Variants in RAD51B observed in about 807,000 individuals in gnomAD.
The protein encoded by RAD51B is RAD51 paralog B, also known as DNA repair protein RAD51 homolog 2.
A neutral mutation model predicts 42.2 loss-of-function variants in RAD51B; 38 were observed. The observed-to-expected ratio is 0.90, with a 90% CI of 0.70 to 1.18. RAD51B has a LOEUF of 1.18. RAD51B is among the 50% of genes most tolerant of loss of function. The pLI, the probability that RAD51B is intolerant of heterozygous loss-of-function variation, is 0.00. For synonymous variants in RAD51B, 154 were observed against 145.2 expected (o/e 1.06, Z -0.43); for missense variants, 373 against 400.7 (o/e 0.93, Z 0.59).
intron 7 of RAD51B, among the ~76,000 whole-genome samples, chr14:67,904,554 A>C (rs1217248849): frequency 7.4e-6 from 1 of 135,760 alleles, no homozygotes; most frequent in Non-Finnish European, 1.5e-5. Flanking sequence ...CTCTGTTGCC[A>C]GGCTGGTGTG....
At chr14:68,435,510 T>TTTTTTTTG (rs1555409604) in intron 9 of RAD51B, among the ~76,000 whole-genome samples, 1 of 143,584 alleles carries the variant, frequency 7.0e-6, no homozygotes, top group African/African-American at 2.7e-5. Context: ...TTTTTTTTTT[T>TTTTTTTTG]GGGAGAACAA....
chr14:67,896,698 T>C (rs1246957113), intron 7 of RAD51B, among the ~76,000 whole-genome samples: 1 of 152,234 alleles, frequency 6.6e-6, no homozygotes, highest in Non-Finnish European at 1.5e-5. Flanking sequence ...AAGGATATTT[T>C]CTTGAGTTTT....
intron 7 of RAD51B, among the ~76,000 whole-genome samples, chr14:68,204,273 G>C (rs879649402): frequency 6.6e-6 from 1 of 152,128 alleles, no homozygotes; most frequent in Non-Finnish European, 1.5e-5. Flanking sequence ...TTTCAATATT[G>C]GTATTGTCTC....
intron 5 of RAD51B, among the ~76,000 whole-genome samples, chr14:67,872,631 GTCA>G (rs2042580778): frequency 6.6e-6 from 1 of 151,596 alleles, no homozygotes; most frequent in Non-Finnish European, 1.5e-5. Context: ...GCATCGCCAA[GTCA>G]ATCCTGAGCC....
chr14:68,129,749 G>T (rs534760697), intron 7 of RAD51B, among the ~76,000 whole-genome samples: 1 of 152,262 alleles, frequency 6.6e-6, no homozygotes, highest in African/African-American at 2.4e-5. Context: ...TCAAACTTTA[G>T]TATATACTTT....
Position 68,516,479 on chromosome 14 carries a change from T to C in RAD51B, c.1036+48229T>C, listed in dbSNP as rs573537403. On this transcript the variant is annotated intron_variant, in intron 10 of 10. Coordinates refer to the RAD51B transcript ENST00000487270. The stretch of plus-strand genomic sequence containing the variant: ...TCAATCAGCTGTGATAATGTTGTTT[T>C]GGATAAAGTATGCGAAGGAAACCCA... Among the ~76,000 whole-genome samples, 7 of 152,378 alleles carry C rather than the reference T, an allele frequency of 4.6e-5. No homozygotes were observed. In the South Asian group the frequency reaches 1.4e-3, roughly 32 times the overall value.
intron 10 of RAD51B, among the ~76,000 whole-genome samples, chr14:68,524,705 G>A (rs989223892): frequency 6.6e-6 from 1 of 152,226 alleles, no homozygotes; most frequent in Non-Finnish European, 1.5e-5. Flanking sequence ...GACCCCACAG[G>A]ATGGTTCTTT....
At chr14:68,342,099 T>G (rs545054129) in intron 8 of RAD51B, among the ~76,000 whole-genome samples, 2 of 152,208 alleles carry the variant, frequency 1.3e-5, no homozygotes, top group Non-Finnish European at 2.9e-5. Context: ...ACCCCTTGAC[T>G]CTATCACATG....
intron 9 of RAD51B, among the ~76,000 whole-genome samples, chr14:68,455,677 G>A (rs1035663463): frequency 1.3e-5 from 2 of 151,950 alleles, no homozygotes; most frequent in Admixed American, 6.6e-5. Context: ...CCGAGATTGC[G>A]CCACTGCACT....
intron 11 of RAD51B, among the ~76,000 whole-genome samples, chr14:68,654,598 G>A (rs1286367964): frequency 2.0e-5 from 3 of 152,212 alleles, no homozygotes; most frequent in Non-Finnish European, 4.4e-5. Context: ...GAACAGGGCT[G>A]TTTCTGTGGG....
At chr14:68,564,662 C>G (rs951643281) in intron 10 of RAD51B, among the ~76,000 whole-genome samples, 2 of 152,228 alleles carry the variant, frequency 1.3e-5, no homozygotes, top group East Asian at 1.9e-4. Flanking sequence ...GGCTCCCCAC[C>G]ACCACAAGGG....
chr14:68,113,825 G>T (rs1456273296), intron 7 of RAD51B: 1 of 152,012 alleles, frequency 6.6e-6, no homozygotes. Context: ...ACATTTGAAG[G>T]CTTCCTCACA....
intron 9 of RAD51B, among the ~76,000 whole-genome samples, chr14:68,465,992 A>AAATAAATTAATT (rs1266757141): frequency 2.0e-5 from 3 of 149,534 alleles, no homozygotes; most frequent in African/African-American, 7.5e-5. Flanking sequence ...ATAAATAAAT[A>AAATAAATTAATT]AATTCACATT....
rs572601482 is a variant in RAD51B at position 68,370,758 on chromosome 14, G to A, written c.854-40666G>A. On this transcript the variant is annotated intron_variant, in intron 8 of 10. Transcript: ENST00000471583. ...TGTGAAGTGTATTTTAAAAAATGAA[G>A]AATTGGCCGGGCGCAGTGGCTCATG... Among the ~76,000 whole-genome samples, 55 of 152,228 alleles carry A rather than the reference G, an allele frequency of 3.6e-4. 1 individual carries two copies. In the South Asian group the frequency reaches 7.1e-3, roughly 20 times the overall value.
chr14:67,832,494 G>A (rs1308173017), intron 3 of RAD51B, among the ~76,000 whole-genome samples: 1 of 151,824 alleles, frequency 6.6e-6, no homozygotes, highest in Non-Finnish European at 1.5e-5. Context: ...CTTTAGGTAT[G>A]TTATGTTCTT....
intron 9 of RAD51B, among the ~76,000 whole-genome samples, chr14:68,423,843 CTG>C (rs1168185106): frequency 6.6e-6 from 1 of 152,194 alleles, no homozygotes; most frequent in Non-Finnish European, 1.5e-5. Flanking sequence ...TTCCTTATAA[CTG>C]TGTGGCTCTG....
intron 8 of RAD51B, among the ~76,000 whole-genome samples, chr14:68,374,247 C>T (rs2083319927): frequency 6.6e-6 from 1 of 152,014 alleles, no homozygotes; most frequent in Admixed American, 6.6e-5. Flanking sequence ...CACTCTGGCA[C>T]ATAATAGGTG....
At chr14:68,500,468 G>A (rs1316302144) in intron 10 of RAD51B, among the ~76,000 whole-genome samples, 1 of 152,216 alleles carries the variant, frequency 6.6e-6, no homozygotes, top group Admixed American at 6.5e-5. Context: ...AGATGGTCGG[G>A]CCAGCAGCCC....
chr14:68,260,660 A>G (rs1452274298), intron 7 of RAD51B, among the ~76,000 whole-genome samples: 8 of 152,172 alleles, frequency 5.3e-5, no homozygotes, highest in South Asian at 2.1e-4. Flanking sequence ...CCCTCCGGGT[A>G]TAGTCAAGAC....
Sources: allele counts gnomAD v4.1 joint callset (sites outside exome capture counted in the v4.1 genomes callset), GRCh38; gene constraint gnomAD v4.1.1; transcripts MANE v1.5; gene names NCBI Gene and HGNC (gene_info 2026-07-23, HGNC 2026-07-21).